The following MDN1 variants were observed in gnomAD, a reference collection of about 807,000 sequenced individuals.
MDN1 encodes the protein midasin.
Under a neutral mutation model 669.2 loss-of-function variants are expected in MDN1, and 266 were observed. The observed-to-expected ratio is 0.40, with a 90% CI of 0.36 to 0.44. The LOEUF (loss-of-function observed/expected upper bound fraction) is 0.44, where lower values mean the gene tolerates loss of function less well. MDN1 is among the 20% of genes least tolerant of loss of function. The pLI is 1.00. For missense variants in MDN1, 5,940 were observed against 6,754.0 expected, an observed-to-expected ratio of 0.88 and a Z score of 4.22; for synonymous variants, 2,385 against 2,457.1, an observed-to-expected ratio of 0.97 and a Z score of 0.87.
chr6:89,700,077 T>A lies in MDN1; in HGVS notation c.8856A>T (p.Gln2952His). The A allele has an allele frequency of 6.2e-7, 1 of 1,614,058 alleles. No individual in the cohort carries two copies. The highest frequency in any genetic ancestry group is 8.5e-7 in the Non-Finnish European group (1 of 1,179,946). The change falls in exon 57 of 102, where the codon CAA becomes CAT. Residue 2952 changes from glutamine to histidine, a missense_variant. Around this residue, in one of 5 missense-constraint regions of MDN1, gnomAD observed 2,292 missense variants for 2,638.3 expected, o/e 0.87. Transcript: ENST00000369393. ...GCATGGTTTACCTTCTGAGACAAGC[T>A]TGTGCCATAAAATCAGCTGTCACTT... ...RYKVTADFMAQACLRRCSKNQ... is the reference protein window; with the variant it reads ...RYKVTADFMAHACLRRCSKNQ...
At chr6:89,712,509 G>A in intron 48 of MDN1, 66 bp downstream of exon 48, 1 of 1,480,524 alleles carries the variant, frequency 6.8e-7, no homozygotes, top group Non-Finnish European at 9.4e-7. Flanking sequence ...ATTGTGTCCT[G>A]ACCATTTCCA....
chr6:89,803,621 G>A (rs568226792), intron 1 of MDN1, 67 bp from the exon 2 acceptor site: 51 of 1,187,076 alleles, frequency 4.3e-5, no homozygotes, highest in African/African-American at 1.9e-4. Flanking sequence ...TCGCTCTGTC[G>A]CCCAGGAGCA....
intron 2 of MDN1, among the ~76,000 whole-genome samples, chr6:89,800,829 T>TG (rs1399663483): frequency 6.6e-6 from 1 of 152,102 alleles, no homozygotes; most frequent in African/African-American, 2.4e-5. Flanking sequence ...CTTTAACCTG[T>TG]GGGGTCTGTA....
Position 89,655,834 on chromosome 6 carries a change from G to C in MDN1, c.15420C>G (p.Ala5140=), listed in dbSNP as rs1809238049. Residue 5140 remains alanine (A), a synonymous_variant, in exon 92 of 102, where the codon GCC becomes GCG. Coordinates refer to ENST00000369393, the MANE Select transcript of MDN1 (RefSeq NM_014611.3). ...CGAATGCATCTGCATCCTCCACCTG[G>C]GCCTGGGGCTGCTGAGCTGGCCCCT... The part of the protein sequence containing the change: ...AEQGPAQQPQ[A]QVEDADAFEH... The C allele has an allele frequency of 6.2e-7, 1 of 1,613,968 alleles. No individual in the cohort carries two copies. The highest frequency in any genetic ancestry group is 8.5e-7 in the Non-Finnish European group (1 of 1,180,016).
chr6:89,787,761 C>T, intron 8 of MDN1, 93 bp downstream of exon 8: 1 of 855,908 alleles, frequency 1.2e-6, no homozygotes, highest in Non-Finnish European at 1.9e-6. Flanking sequence ...TTGAAGTAGA[C>T]CCAGAGAACT....
At chr6:89,758,416 C>T in intron 18 of MDN1, 65 bp from the exon 19 acceptor site, 2 of 1,347,488 alleles carry the variant, frequency 1.5e-6, no homozygotes, top group Non-Finnish European at 2.1e-6. Context: ...GAACCCCAGG[C>T]CCAGCCAGCC....
chr6:89,718,232 G>C lies in MDN1; in HGVS notation c.6583+134C>G, dbSNP rs972062931. ...TACCTCAGCTTCATTTTACTTTCTA[G>C]GTCAAACTTTCCCACAAGTTCTGAT... On this transcript the variant is annotated intron_variant, in intron 43 of 101. Coordinates refer to ENST00000369393, the MANE Select transcript of MDN1 (RefSeq NM_014611.3). 79 of 1,023,714 alleles carry C rather than the reference G, an allele frequency of 7.7e-5. No individual in the cohort carries two copies. The African/African-American group carries it at 1.2e-3, about 16-fold the overall frequency. 63.4% of individuals were successfully genotyped at this position (1,023,714 alleles called of 1,614,324 possible). A position where few individuals can be genotyped will look rare whatever the true frequency, so the allele number is the denominator to read the frequency against.
intron 83 of MDN1, among the ~76,000 whole-genome samples, chr6:89,670,139 CATATATATATAT>C (rs1168606501): frequency 1.0e-4 from 5 of 48,988 alleles, no homozygotes; most frequent in South Asian, 9.3e-4. Flanking sequence ...TCCAAAAAAA[CATATATATATAT>C]ATATATATAT....
chr6:89,708,212 A>G (rs1813649470), intron 51 of MDN1, among the ~76,000 whole-genome samples: 1 of 152,190 alleles, frequency 6.6e-6, no homozygotes, highest in African/African-American at 2.4e-5. Flanking sequence ...CTGAGGTGGG[A>G]GGATGGCTTA....
chr6:89,743,471 C>T (rs1816401596), intron 30 of MDN1, 105 bp downstream of exon 30: 3 of 1,403,674 alleles, frequency 2.1e-6, no homozygotes, highest in East Asian at 4.6e-5. Flanking sequence ...TGCAGATATG[C>T]ACATTTAACC....
At chr6:89,796,142 T>G (rs1287184255) in intron 2 of MDN1, among the ~76,000 whole-genome samples, 2 of 151,328 alleles carry the variant, frequency 1.3e-5, no homozygotes, top group Non-Finnish European at 2.9e-5. Context: ...CTGGCCAACA[T>G]GGTGAAACTC....
chr6:89,749,111 A>T (rs1387817889), intron 26 of MDN1, 112 bp downstream of exon 26: 1 of 1,027,612 alleles, frequency 9.7e-7, no homozygotes, highest in East Asian at 2.9e-5. Context: ...AAATAAAAAA[A>T]AATCTCTACT....
intron 16 of MDN1, 64 bp downstream of exon 16, chr6:89,762,255 C>G: frequency 7.3e-7 from 1 of 1,366,496 alleles, no homozygotes; most frequent in Non-Finnish European, 1.0e-6. Context: ...TTCCCCAAAA[C>G]TAATATGTTA....
chr6:89,724,448 A>G (rs1488296119), intron 38 of MDN1, among the ~76,000 whole-genome samples: 1 of 152,050 alleles, frequency 6.6e-6, no homozygotes, highest in Non-Finnish European at 1.5e-5. Context: ...ACACCCAGCT[A>G]ATTTTTGTAT....
At chr6:89,807,240 C>T (rs1389465656) in intron 1 of MDN1, among the ~76,000 whole-genome samples, 1 of 152,112 alleles carries the variant, frequency 6.6e-6, no homozygotes, top group Non-Finnish European at 1.5e-5. Context: ...GCACACACTA[C>T]CATGCCTGGC....
chr6:89,795,717 G>T (rs964736234), intron 2 of MDN1, among the ~76,000 whole-genome samples: 1 of 152,214 alleles, frequency 6.6e-6, no homozygotes, highest in Non-Finnish European at 1.5e-5. Flanking sequence ...ACTTTCGGAG[G>T]CTGAGGCGGG....
At chr6:89,722,703 C>T (rs894344061) in intron 40 of MDN1, among the ~76,000 whole-genome samples, 3 of 151,994 alleles carry the variant, frequency 2.0e-5, no homozygotes, top group Non-Finnish European at 4.4e-5. Flanking sequence ...AAAAATTAGC[C>T]GGAACTGGTG....
At chr6:89,807,550 T>C (rs1768099218) in intron 1 of MDN1, among the ~76,000 whole-genome samples, 1 of 152,232 alleles carries the variant, frequency 6.6e-6, no homozygotes, top group Non-Finnish European at 1.5e-5. Flanking sequence ...GATCATGATG[T>C]GGCTTGGTGT....
chr6:89,805,053 A>AG (rs1767926882), intron 1 of MDN1, among the ~76,000 whole-genome samples: 1 of 151,628 alleles, frequency 6.6e-6, no homozygotes, highest in Non-Finnish European at 1.5e-5. Flanking sequence ...AAAAAAAAAA[A>AG]AAAAAATTCT....
Sources: allele counts gnomAD v4.1 joint callset (sites outside exome capture counted in the v4.1 genomes callset), GRCh38; gene constraint gnomAD v4.1.1; regional missense constraint gnomAD v4.1.1; transcripts MANE v1.5; gene names NCBI Gene and HGNC (gene_info 2026-07-23, HGNC 2026-07-21).